Variants in ACTR3C observed in about 807,000 individuals in gnomAD.
ACTR3C encodes the protein actin-related protein 3C.
ACTR3C carries 18 observed loss-of-function variants against 26.3 expected under a neutral mutation model. That is an observed-to-expected ratio of 0.68 (90% CI 0.47 to 1.01). The LOEUF (loss-of-function observed/expected upper bound fraction) is 1.01. Ranked by LOEUF, ACTR3C falls within the 50% of genes least tolerant of loss-of-function variation. The pLI, the probability that ACTR3C is intolerant of heterozygous loss-of-function variation, is 0.00. For synonymous variants in ACTR3C, 55 were observed against 94.5 expected, an observed-to-expected ratio of 0.58 and a Z score of 2.42; for missense variants, 184 against 250.7, an observed-to-expected ratio of 0.73 and a Z score of 1.80.
At chr7:150,053,716 T>A in the ACTR3C span, among the ~76,000 whole-genome samples, 1 of 152,262 alleles carries the variant, frequency 6.6e-6, no homozygotes. Flanking sequence ...ACAGAGCCAG[T>A]GTCAACTCAT....
At chr7:150,227,739 G>A in the ACTR3C span, among the ~76,000 whole-genome samples, 1 of 120,804 alleles carries the variant, frequency 8.3e-6, no homozygotes, top group Non-Finnish European at 1.7e-5. Context: ...AATTATTCCA[G>A]CCCCATTTTT....
rs746689733 is a variant in ACTR3C, at chr7:150,286,406, G to A, written c.432C>T (p.Tyr144=). Residue 144 remains tyrosine (Y), a synonymous_variant, in exon 5 of 8, where the codon TAC becomes TAT. Coordinates refer to ENST00000683684, the MANE Select transcript of ACTR3C (RefSeq NM_001164458.2). ...ATATTTCAGGTCCCAGGAATCTTTC[G>A]TAACCAACGTCTATAACAAACTTCT... The part of the protein sequence containing the change: ...NQKKFVIDVG[Y]ERFLGPEIFF... 9.9e-6 allele frequency: 16 copies of A among 1,613,588 alleles called. No homozygotes were observed. Among genetic ancestry groups the A allele is most frequent in the East Asian group, 6.7e-5 (3 of 44,888 alleles).
chr7:150,029,284 G>A, the ACTR3C span, among the ~76,000 whole-genome samples: 1 of 151,796 alleles, frequency 6.6e-6, no homozygotes, highest in African/African-American at 2.4e-5. Flanking sequence ...CTCTTGCCAG[G>A]CACGGTGGCT....
At chr7:150,099,729 C>T in the ACTR3C span, among the ~76,000 whole-genome samples, 1 of 151,514 alleles carries the variant, frequency 6.6e-6, no homozygotes, top group Non-Finnish European at 1.5e-5. Flanking sequence ...TCCTTATCCT[C>T]GCCCTTAGGG....
chr7:149,966,238 G>A, the ACTR3C span, among the ~76,000 whole-genome samples: 1 of 152,186 alleles, frequency 6.6e-6, no homozygotes, highest in Non-Finnish European at 1.5e-5. Flanking sequence ...CCGCACTGGA[G>A]AAACAGAGGC....
intron 6 of ACTR3C, 144 bp downstream of exon 6, chr7:150,284,609 A>G: frequency 1.5e-6 from 1 of 671,036 alleles, no homozygotes; most frequent in Admixed American, 4.0e-5. Flanking sequence ...TTTCTCTTAC[A>G]ATTATATTGT....
chr7:150,241,746 C>G (rs1050000657), downstream of ACTR3C, among the ~76,000 whole-genome samples: 2 of 151,888 alleles, frequency 1.3e-5, no homozygotes, highest in African/African-American at 2.4e-5. Context: ...ATATGTCTGC[C>G]CAAGATTTAT....
chr7:149,895,814 C>A, the ACTR3C span, among the ~76,000 whole-genome samples: 2 of 151,958 alleles, frequency 1.3e-5, no homozygotes, highest in East Asian at 3.8e-4. Context: ...CAGAGTGAGA[C>A]CCTATATCAA....
At chr7:150,172,078 A>G in the ACTR3C span, among the ~76,000 whole-genome samples, 20 of 150,712 alleles carry the variant, frequency 1.3e-4, 5 homozygotes, top group African/African-American at 5.0e-4. Flanking sequence ...CTAAAGTGCT[A>G]GGATTACAGG....
At chr7:150,277,926 C>G (rs1563171617) in intron 6 of ACTR3C, among the ~76,000 whole-genome samples, 1 of 152,168 alleles carries the variant, frequency 6.6e-6, no homozygotes, top group Non-Finnish European at 1.5e-5. Context: ...AGAAAATTGT[C>G]AACGCCCTCA....
the ACTR3C span, among the ~76,000 whole-genome samples, chr7:150,039,864 G>A: frequency 2.5e-4 from 33 of 131,558 alleles, no homozygotes; most frequent in African/African-American, 8.8e-4. Context: ...GCAAAGGGGG[G>A]AAGAGGGGCT....
At chr7:150,033,137 G>A in the ACTR3C span, among the ~76,000 whole-genome samples, 1 of 152,144 alleles carries the variant, frequency 6.6e-6, no homozygotes, top group Non-Finnish European at 1.5e-5. Flanking sequence ...GTGTATGGGG[G>A]TACAGGGTAG....
At chr7:150,305,650 C>G (rs1563201793) in intron 1 of ACTR3C, among the ~76,000 whole-genome samples, 1 of 152,190 alleles carries the variant, frequency 6.6e-6, no homozygotes, top group Non-Finnish European at 1.5e-5. Flanking sequence ...AGTTTCCACT[C>G]AAGAGCACTG....
the ACTR3C span, among the ~76,000 whole-genome samples, chr7:150,091,547 C>CCA: frequency 1.0e-3 from 37 of 36,888 alleles, no homozygotes; most frequent in South Asian, 3.0e-3. Flanking sequence ...CCATCAGCTT[C>CCA]CAAAAAAAAA....
the ACTR3C span, among the ~76,000 whole-genome samples, chr7:150,104,539 C>T: frequency 6.6e-6 from 1 of 151,512 alleles, no homozygotes; most frequent in African/African-American, 2.4e-5. Context: ...TCTCTTGAAA[C>T]ATCATCTGAT....
the ACTR3C span, among the ~76,000 whole-genome samples, chr7:150,039,175 A>C: frequency 1.3e-5 from 2 of 149,466 alleles, no homozygotes; most frequent in Admixed American, 6.7e-5. Flanking sequence ...TCTGGCTCTC[A>C]GTCCCCGCCT....
At chr7:150,146,536 T>C in the ACTR3C span, among the ~76,000 whole-genome samples, 3 of 152,268 alleles carry the variant, frequency 2.0e-5, no homozygotes, top group Admixed American at 6.5e-5. Context: ...TTGCTCATTA[T>C]TCACCAAACT....
At chr7:150,298,514 C>A (rs1488303820) in intron 1 of ACTR3C, among the ~76,000 whole-genome samples, 1 of 147,168 alleles carries the variant, frequency 6.8e-6, no homozygotes, top group Non-Finnish European at 1.5e-5. Flanking sequence ...TCCTCTCTCC[C>A]TGAGTCTCCT....
At chr7:149,976,625 T>C in the ACTR3C span, among the ~76,000 whole-genome samples, 2 of 146,750 alleles carry the variant, frequency 1.4e-5, no homozygotes, top group Non-Finnish European at 3.0e-5. Context: ...GAATGACGAA[T>C]ATAGAAATCA....
Sources: allele counts gnomAD v4.1 joint callset (sites outside exome capture counted in the v4.1 genomes callset), GRCh38; gene constraint gnomAD v4.1.1; transcripts MANE v1.5; gene names NCBI Gene and HGNC (gene_info 2026-07-23, HGNC 2026-07-21).